The following ASCC3 variants were observed in gnomAD, a reference collection of about 807,000 sequenced individuals.
The protein encoded by ASCC3 is ASC-1 complex subunit P200.
A neutral mutation model predicts 256.3 loss-of-function variants in ASCC3; 158 were observed. That is an observed-to-expected ratio of 0.62 (90% CI 0.54 to 0.70). ASCC3 has a LOEUF of 0.70. Among genes scored for constraint, ASCC3 ranks in the 30% least tolerant of loss-of-function variants. The pLI, the probability that ASCC3 is intolerant of heterozygous loss-of-function variation, is 0.00. For missense variants in ASCC3, 2,259 were observed against 2,626.0 expected (o/e 0.86, Z 3.05); for synonymous variants, 948 against 883.4 (o/e 1.07, Z -1.30).
At chr6:100,722,377 C>T (rs576104528) in intron 11 of ASCC3, among the ~76,000 whole-genome samples, 1 of 151,644 alleles carries the variant, frequency 6.6e-6, no homozygotes, top group African/African-American at 2.4e-5. Context: ...TGAAGAATGA[C>T]ATCCAAACTT....
chr6:100,690,762 A>G (rs1777804753), intron 13 of ASCC3, among the ~76,000 whole-genome samples: 1 of 152,190 alleles, frequency 6.6e-6, no homozygotes, highest in African/African-American at 2.4e-5. Context: ...AAAGTAATCC[A>G]CAATAGTGAG....
At chr6:100,655,591 G>T in intron 17 of ASCC3, 108 bp downstream of exon 17, 1 of 1,276,628 alleles carries the variant, frequency 7.8e-7, no homozygotes, top group South Asian at 1.3e-5. Flanking sequence ...TTTCTTCTAG[G>T]TACCTCTTTT....
At chr6:100,832,138 T>C (rs183761807) in intron 4 of ASCC3, among the ~76,000 whole-genome samples, 30 of 152,220 alleles carry the variant, frequency 2.0e-4, no homozygotes, top group African/African-American at 6.5e-4. Flanking sequence ...CAGAAAGGCA[T>C]TATTTTAAAA....
intron 37 of ASCC3, among the ~76,000 whole-genome samples, chr6:100,539,517 T>A (rs1447605576): frequency 2.0e-5 from 3 of 152,190 alleles, no homozygotes; most frequent in East Asian, 1.9e-4. Flanking sequence ...CACTTTTTTT[T>A]ATTGTTTTAA....
intron 3 of ASCC3, among the ~76,000 whole-genome samples, chr6:100,854,651 T>G (rs1018854284): frequency 1.3e-5 from 2 of 152,290 alleles, no homozygotes; most frequent in Admixed American, 1.3e-4. Context: ...ATACTCAACT[T>G]GCAACTTTAA....
intron 24 of ASCC3, 135 bp downstream of exon 24, chr6:100,642,446 G>A: frequency 2.2e-6 from 2 of 902,352 alleles, no homozygotes; most frequent in Non-Finnish European, 1.7e-6. Flanking sequence ...AATGACAAAT[G>A]AAATAAAAAG....
At chr6:100,517,909 T>C (rs1774113437) in intron 38 of ASCC3, 82 bp downstream of exon 38, 10 of 1,457,594 alleles carry the variant, frequency 6.9e-6, no homozygotes, top group East Asian at 4.8e-5. Context: ...CTCCATAACA[T>C]AAAATTTCAG....
At chr6:100,591,393 TCATTG>T (rs1771992192) in intron 34 of ASCC3, among the ~76,000 whole-genome samples, 1 of 152,064 alleles carries the variant, frequency 6.6e-6, no homozygotes, top group Non-Finnish European at 1.5e-5. Flanking sequence ...TTTTTCTCTT[TCATTG>T]TTTTGCAAGA....
intron 30 of ASCC3, 43 bp from the exon 31 acceptor site, chr6:100,607,131 T>A (rs1447693784): frequency 6.3e-7 from 1 of 1,589,664 alleles, no homozygotes; most frequent in African/African-American, 1.3e-5. Context: ...TGCATAACTT[T>A]AAAATTTTCA....
intron 10 of ASCC3, among the ~76,000 whole-genome samples, chr6:100,726,379 A>C (rs1464133686): frequency 6.6e-6 from 1 of 151,966 alleles, no homozygotes; most frequent in Admixed American, 6.6e-5. Context: ...GTGGCCATCT[A>C]CCTCACCACC....
intron 36 of ASCC3, among the ~76,000 whole-genome samples, chr6:100,543,110 C>A (rs1775543332): frequency 6.6e-6 from 1 of 152,116 alleles, no homozygotes; most frequent in South Asian, 2.1e-4. Context: ...CCTACAGATA[C>A]TTAAATCCAG....
intron 10 of ASCC3, among the ~76,000 whole-genome samples, chr6:100,753,305 C>CAAAAA (rs66659985): frequency 6.8e-6 from 1 of 147,084 alleles, no homozygotes; most frequent in Non-Finnish European, 1.5e-5. Context: ...TATTCAATAG[C>CAAAAA]AAAACAAAAC....
At chr6:100,634,411 C>A (rs1429389510) in intron 25 of ASCC3, among the ~76,000 whole-genome samples, 3 of 152,154 alleles carry the variant, frequency 2.0e-5, no homozygotes, top group Non-Finnish European at 4.4e-5. Context: ...CTTCCCCCTA[C>A]CCAAATGGGT....
intron 24 of ASCC3, among the ~76,000 whole-genome samples, chr6:100,641,742 T>G (rs758131307): frequency 6.6e-6 from 1 of 152,106 alleles, no homozygotes; most frequent in Non-Finnish European, 1.5e-5. Flanking sequence ...CTATTCACAA[T>G]AGCAAAGACT....
chr6:100,585,013 T>C (rs1483463678), intron 36 of ASCC3, among the ~76,000 whole-genome samples: 1 of 152,168 alleles, frequency 6.6e-6, no homozygotes, highest in East Asian at 1.9e-4. Context: ...GCCCTTAACA[T>C]TTTTTCCTTC....
intron 4 of ASCC3, among the ~76,000 whole-genome samples, chr6:100,844,299 C>T (rs1056120051): frequency 6.6e-6 from 1 of 151,462 alleles, no homozygotes; most frequent in Admixed American, 6.6e-5. Flanking sequence ...CACTCCTACA[C>T]ATTGCAGGAC....
intron 30 of ASCC3, among the ~76,000 whole-genome samples, chr6:100,619,253 A>C (rs1773825433): frequency 6.6e-6 from 1 of 152,180 alleles, no homozygotes; most frequent in African/African-American, 2.4e-5. Context: ...TCGGAGGCTT[A>C]TTATCAAAAG....
rs147812100 is a variant in ASCC3, at chr6:100,679,717, T to A, written c.2187A>T (p.Val729=). The A allele has an allele frequency of 1.4e-4, 233 of 1,613,660 alleles. No homozygotes were observed. Among genetic ancestry groups the A allele is most frequent in the Non-Finnish European group, 1.9e-4 (227 of 1,179,706 alleles). Residue 729 remains valine (V), a synonymous_variant, in exon 14 of 42, where the codon GTA becomes GTT. Transcript: ENST00000369162. ...TTTCTATTAGAGACATAGCTGTTCTTACAGTGGCATTTCGAGCATGTACAA... is the reference window on the plus strand; with the variant it reads ...TTTCTATTAGAGACATAGCTGTTCTAACAGTGGCATTTCGAGCATGTACAA... The part of the protein sequence containing the change: ...MVFVHARNAT[V]RTAMSLIERA...
chr6:100,840,612 AAAT>A (rs962300736), intron 4 of ASCC3, among the ~76,000 whole-genome samples: 11 of 151,800 alleles, frequency 7.2e-5, no homozygotes, highest in Admixed American at 3.3e-4. Flanking sequence ...CTTCAATAGC[AAAT>A]AATAATACTA....
Sources: allele counts gnomAD v4.1 joint callset (sites outside exome capture counted in the v4.1 genomes callset), GRCh38; gene constraint gnomAD v4.1.1; transcripts MANE v1.5; gene names NCBI Gene and HGNC (gene_info 2026-07-23, HGNC 2026-07-21).